RBFOX1: variants seen among roughly 807,000 people sequenced by gnomAD.
RBFOX1 encodes RNA binding protein fox-1 homolog 1.
Under a neutral mutation model 57.7 loss-of-function variants are expected in RBFOX1, and 8 were observed. The observed-to-expected ratio is 0.14, with a 90% CI of 0.08 to 0.25. The LOEUF (loss-of-function observed/expected upper bound fraction) is 0.25, where lower values mean the gene tolerates loss of function less well. Ranked by LOEUF, RBFOX1 falls within the 10% of genes least tolerant of loss-of-function variation. The pLI is 1.00. For missense variants in RBFOX1, 611 were observed against 548.5 expected (o/e 1.11, Z -1.14); for synonymous variants, 326 against 222.4 (o/e 1.47, Z -4.15).
intron 3 of RBFOX1, among the ~76,000 whole-genome samples, chr16:6,914,509 G>A (rs1413544962): frequency 6.6e-6 from 1 of 151,838 alleles, no homozygotes; most frequent in Non-Finnish European, 1.5e-5. Context: ...AGCCACCTTT[G>A]ATAAGTGAGA....
Position 5,322,899 on chromosome 16 carries a change from C to T in RBFOX1, c.219+82794C>T, listed in dbSNP as rs546200656. Among the ~76,000 whole-genome samples the T allele has an allele frequency of 1.9e-4, 29 of 152,248 alleles. No individual in the cohort carries two copies. In the South Asian group the frequency reaches 2.5e-3, roughly 13 times the overall value. ...TGATTGTTTTCAGTGGTTTCTCTTC[C>T]GGCATGAATGGGTGGTTTTGTCTCC... On this transcript the variant is annotated intron_variant, in intron 1 of 2. Transcript: ENST00000585867.
intron 2 of RBFOX1, among the ~76,000 whole-genome samples, chr16:6,559,332 A>G (rs948825838): frequency 1.3e-5 from 2 of 151,770 alleles, no homozygotes; most frequent in Non-Finnish European, 2.9e-5. Context: ...TAGAACATGT[A>G]TATGTATGTG....
intron 4 of RBFOX1, among the ~76,000 whole-genome samples, chr16:7,103,033 C>T (rs1445905525): frequency 1.3e-5 from 2 of 150,476 alleles, no homozygotes; most frequent in African/African-American, 2.5e-5. Flanking sequence ...ATTTGTCTAT[C>T]TATTTCCACA....
chr16:5,590,785 G>A (rs1008361511), intron 2 of RBFOX1, among the ~76,000 whole-genome samples: 1 of 152,180 alleles, frequency 6.6e-6, no homozygotes, highest in Non-Finnish European at 1.5e-5. Flanking sequence ...TGGAGCATTG[G>A]GTTGAAATCT....
At chr16:7,542,374 C>T (rs1210421587) in intron 5 of RBFOX1, among the ~76,000 whole-genome samples, 3 of 152,146 alleles carry the variant, frequency 2.0e-5, no homozygotes, top group Non-Finnish European at 4.4e-5. Flanking sequence ...ACTTTCCACC[C>T]CACCTCTTCT....
chr16:7,218,824 G>A (rs1340962401), intron 4 of RBFOX1, among the ~76,000 whole-genome samples: 1 of 151,888 alleles, frequency 6.6e-6, no homozygotes, highest in Non-Finnish European at 1.5e-5. Flanking sequence ...AGAAGTATCA[G>A]AAGTTGCTGC....
chr16:5,632,743 A>G (rs1305671349), intron 3 of RBFOX1, among the ~76,000 whole-genome samples: 4 of 152,154 alleles, frequency 2.6e-5, no homozygotes, highest in Non-Finnish European at 5.9e-5. Context: ...TGTCCCGCAC[A>G]TGCTGCTGTG....
chr16:6,654,182 A>G (rs1343931639), intron 2 of RBFOX1, among the ~76,000 whole-genome samples: 1 of 152,104 alleles, frequency 6.6e-6, no homozygotes, highest in Non-Finnish European at 1.5e-5. Flanking sequence ...GGATGGTTGG[A>G]AGGATAAAAA....
chr16:5,601,455 C>T (rs2047361151), downstream of RBFOX1: 1 of 152,200 alleles, frequency 6.6e-6, no homozygotes, highest in Non-Finnish European at 1.5e-5. Context: ...ATGATGTAGC[C>T]TCAGATGTCC....
chr16:7,003,374 C>T (rs1021973455), intron 3 of RBFOX1, among the ~76,000 whole-genome samples: 1 of 151,518 alleles, frequency 6.6e-6, no homozygotes, highest in African/African-American at 2.4e-5. Flanking sequence ...GCAAGAGAAT[C>T]ACTTAGACCT....
intron 4 of RBFOX1, among the ~76,000 whole-genome samples, chr16:7,302,485 C>G (rs1456185518): frequency 2.0e-5 from 3 of 151,962 alleles, no homozygotes; most frequent in Admixed American, 2.0e-4. Context: ...GGTTCTGCCC[C>G]AAATATTCTT....
intron 4 of RBFOX1, among the ~76,000 whole-genome samples, chr16:7,500,116 T>C (rs6416820): frequency 0.82 from 125,038 of 152,098 alleles, 52,253 homozygotes; most frequent in Middle Eastern, 0.9. Context: ...GATCACACAT[T>C]CTTAGCTACG....
At chr16:7,049,130 G>A (rs960758733) in intron 3 of RBFOX1, among the ~76,000 whole-genome samples, 6 of 152,092 alleles carry the variant, frequency 3.9e-5, no homozygotes, top group Non-Finnish European at 5.9e-5. Flanking sequence ...TTTTCTCTCC[G>A]GGATCCTCAA....
At chr16:6,968,133 C>T (rs1446902668) in intron 3 of RBFOX1, among the ~76,000 whole-genome samples, 2 of 152,120 alleles carry the variant, frequency 1.3e-5, no homozygotes, top group Non-Finnish European at 2.9e-5. Context: ...CGCACAGACA[C>T]CACCGCTAGA....
intron 5 of RBFOX1, among the ~76,000 whole-genome samples, chr16:7,562,996 T>C (rs1242135419): frequency 6.6e-6 from 1 of 152,154 alleles, no homozygotes; most frequent in African/African-American, 2.4e-5. Flanking sequence ...ACCCAGGGGA[T>C]TGCAATGCCA....
At chr16:6,769,695 G>A (rs1005588822) in intron 3 of RBFOX1, among the ~76,000 whole-genome samples, 14 of 152,148 alleles carry the variant, frequency 9.2e-5, no homozygotes, top group African/African-American at 3.4e-4. Context: ...GTTCCCTGCT[G>A]ATGTAGGATA....
rs142050765 is a variant in RBFOX1, at chr16:7,357,127, G to A, written c.28-161020G>A. Reference sequence around the variant, plus strand: ...ATGACCAGAGATGGGAGAAGAAACTGTGTGCTCGAGGTGCTGGGGCTAGCA... The same window carrying A: ...ATGACCAGAGATGGGAGAAGAAACTATGTGCTCGAGGTGCTGGGGCTAGCA... On this transcript the variant is annotated intron_variant, in intron 4 of 15. Transcript: ENST00000550418. Among the ~76,000 whole-genome samples the A allele has an allele frequency of 3.3e-3, 499 of 152,152 alleles. 2 individuals are homozygous for A. The highest frequency in any genetic ancestry group is 0.012 in the African/African-American group (482 of 41,492).
At chr16:6,688,487 A>T (rs763711458) in intron 3 of RBFOX1, among the ~76,000 whole-genome samples, 17 of 152,154 alleles carry the variant, frequency 1.1e-4, no homozygotes, top group South Asian at 4.2e-4. Context: ...GGGGATTTTC[A>T]TTTTCTCCAT....
At chr16:7,703,239 T>C (rs1375867505) in intron 14 of RBFOX1, among the ~76,000 whole-genome samples, 1 of 152,200 alleles carries the variant, frequency 6.6e-6, no homozygotes, top group Non-Finnish European at 1.5e-5. Context: ...CTAATTGCAT[T>C]GCAGAGACCC....
Sources: allele counts gnomAD v4.1 joint callset (sites outside exome capture counted in the v4.1 genomes callset), GRCh38; gene constraint gnomAD v4.1.1; transcripts MANE v1.5; gene names NCBI Gene and HGNC (gene_info 2026-07-23, HGNC 2026-07-21).